The following SLCO6A1 variants were observed in gnomAD, a reference collection of about 807,000 sequenced individuals.
The protein encoded by SLCO6A1 is solute carrier organic anion transporter family member 6A1.
In SLCO6A1, 65 loss-of-function variants were observed where a neutral mutation model predicts 72.7. The observed-to-expected ratio is 0.89, with a 90% CI of 0.73 to 1.10. The LOEUF (loss-of-function observed/expected upper bound fraction) is 1.10. Ranked by LOEUF, SLCO6A1 falls within the 50% of genes least tolerant of loss-of-function variation. The probability of loss-of-function intolerance (pLI) is 0.00; values close to 1 mark genes in which losing one functional copy is unlikely to be tolerated. For missense variants in SLCO6A1, 874 were observed against 872.6 expected (o/e 1.00, Z -0.02); for synonymous variants, 314 against 298.2 (o/e 1.05, Z -0.55).
At chr5:102,459,860 T>G in intron 4 of SLCO6A1, 83 bp from the exon 5 acceptor site, 1 of 1,204,788 alleles carries the variant, frequency 8.3e-7, no homozygotes. Flanking sequence ...GTGGAGAAAG[T>G]GAGAGTGAGA....
chr5:102,430,566 T>C (rs558292624), intron 7 of SLCO6A1, among the ~76,000 whole-genome samples: 17 of 152,336 alleles, frequency 1.1e-4, no homozygotes, highest in African/African-American at 4.1e-4. Context: ...TCATGTGGTT[T>C]TCACTTTAGT....
chr5:102,420,116 T>C (rs965437043), intron 7 of SLCO6A1, 95 bp from the exon 8 acceptor site: 5 of 994,432 alleles, frequency 5.0e-6, no homozygotes, highest in South Asian at 2.0e-5. Flanking sequence ...TCTAAACATA[T>C]AGCAAACATG....
intron 4 of SLCO6A1, among the ~76,000 whole-genome samples, chr5:102,468,704 C>CT (rs545772621): frequency 1.4e-3 from 215 of 152,168 alleles, no homozygotes; most frequent in African/African-American, 4.7e-3. Flanking sequence ...TACCCTTTTA[C>CT]TTTAAGTTTG....
At chr5:102,395,366 G>A (rs1298059629) in intron 10 of SLCO6A1, among the ~76,000 whole-genome samples, 2 of 152,236 alleles carry the variant, frequency 1.3e-5, no homozygotes, top group Middle Eastern at 3.4e-3. Context: ...CAAAGGACAT[G>A]AACTCATCCT....
chr5:102,413,727 T>C (rs1378845381), intron 8 of SLCO6A1, among the ~76,000 whole-genome samples: 2 of 152,186 alleles, frequency 1.3e-5, no homozygotes, highest in East Asian at 1.9e-4. Context: ...TACATTTCCA[T>C]CAGCAGTGTA....
intron 4 of SLCO6A1, among the ~76,000 whole-genome samples, chr5:102,463,896 G>GAA (rs397697671): frequency 0.015 from 1,992 of 136,994 alleles, 40 homozygotes; most frequent in African/African-American, 0.042. Context: ...CAAAAAAGAA[G>GAA]AAAAAAAAAA....
intron 3 of SLCO6A1, 53 bp from the exon 4 acceptor site, chr5:102,475,846 GT>G: frequency 7.3e-7 from 1 of 1,375,788 alleles, no homozygotes. Context: ...AGCCAGCTTC[GT>G]TATGATAAAA....
rs140055153 is a variant in SLCO6A1, at chr5:102,427,477, T to G, written c.1277-7456A>C. On this transcript the variant is annotated intron_variant, in intron 7 of 13. Coordinates refer to ENST00000506729, the MANE Select transcript of SLCO6A1 (RefSeq NM_173488.5). The stretch of plus-strand genomic sequence containing the variant: ...TCCAAAAACTATAATCCCAGTCTAA[T>G]CATGATAAAAATATTAGGCAATTTT... Among the ~76,000 whole-genome samples, 20 of 152,170 alleles carry G rather than the reference T, an allele frequency of 1.3e-4. No individual in the cohort carries two copies. In the East Asian group the frequency reaches 2.9e-3, roughly 22 times the overall value.
At chr5:102,451,750 G>A (rs1357095476) in intron 6 of SLCO6A1, among the ~76,000 whole-genome samples, 2 of 152,192 alleles carry the variant, frequency 1.3e-5, no homozygotes, top group Non-Finnish European at 1.5e-5. Flanking sequence ...CATGGGTCAT[G>A]TTGCTTCCTT....
chr5:102,446,189 C>T (rs1048967454), intron 6 of SLCO6A1, among the ~76,000 whole-genome samples: 3 of 152,158 alleles, frequency 2.0e-5, no homozygotes, highest in Admixed American at 6.5e-5. Context: ...TATATTGATT[C>T]TTCCTATTCA....
chr5:102,470,745 C>A (rs747306816), intron 4 of SLCO6A1, among the ~76,000 whole-genome samples: 2 of 151,980 alleles, frequency 1.3e-5, no homozygotes, highest in Non-Finnish European at 2.9e-5. Context: ...CTGGGCCTAG[C>A]TACCCAGTGG....
chr5:102,493,404 A>C (rs1192366921), intron 1 of SLCO6A1, among the ~76,000 whole-genome samples: 1 of 152,196 alleles, frequency 6.6e-6, no homozygotes, highest in South Asian at 2.1e-4. Flanking sequence ...CCTTATGAAC[A>C]TCTCAATAGA....
intron 6 of SLCO6A1, among the ~76,000 whole-genome samples, chr5:102,442,899 T>C (rs988308736): frequency 6.6e-6 from 1 of 151,868 alleles, no homozygotes; most frequent in Admixed American, 6.6e-5. Context: ...CCGTCTCTAC[T>C]AAAAATACAA....
At chr5:102,448,083 T>C (rs996554582) in intron 6 of SLCO6A1, among the ~76,000 whole-genome samples, 4 of 152,232 alleles carry the variant, frequency 2.6e-5, no homozygotes, top group Non-Finnish European at 5.9e-5. Flanking sequence ...TTTGTTTTCA[T>C]TACTTTCAAA....
Position 102,458,261 on chromosome 5 carries a change from GA to G in SLCO6A1, c.1131+120del, listed in dbSNP as rs546611360. The stretch of plus-strand genomic sequence containing the variant: ...AAACTTAAAGTATAATAATAAAAAA[GA>G]AAAAAAAAGTCTCACCCAGATTTAG... On this transcript the variant is annotated intron_variant, in intron 6 of 13. Coordinates refer to ENST00000506729, the MANE Select transcript of SLCO6A1 (RefSeq NM_173488.5). 3.7e-4 allele frequency: 248 copies of G among 667,024 alleles called. 1 individual carries two copies. Among genetic ancestry groups the G allele is most frequent in the East Asian group, 3.7e-3 (139 of 37,456 alleles). 41.3% of individuals were successfully genotyped at this position (667,024 alleles called of 1,614,324 possible).
At chr5:102,448,944 G>T (rs1750263933) in intron 6 of SLCO6A1, among the ~76,000 whole-genome samples, 1 of 139,824 alleles carries the variant, frequency 7.2e-6, no homozygotes, top group Non-Finnish European at 1.5e-5. Context: ...AGACTTGATT[G>T]TGTATTTGCT....
At chr5:102,402,307 A>G (rs1747442576) in intron 9 of SLCO6A1, among the ~76,000 whole-genome samples, 2 of 152,146 alleles carry the variant, frequency 1.3e-5, no homozygotes, top group African/African-American at 4.8e-5. Context: ...ACTGTATTAG[A>G]AAGAATGCCA....
chr5:102,456,518 T>A (rs1329882671), intron 6 of SLCO6A1, among the ~76,000 whole-genome samples: 1 of 152,062 alleles, frequency 6.6e-6, no homozygotes, highest in Non-Finnish European at 1.5e-5. Context: ...TCAGAGAGAA[T>A]AAAATACCTA....
At position 102,403,703 on chromosome 5, in the gene SLCO6A1, A is replaced by G. The variant is rs1747520976; in HGVS notation, c.1627-3961T>C. 2.6e-5 allele frequency among the ~76,000 whole-genome samples: 4 copies of G among 152,300 alleles called. No individual in the cohort carries two copies. In the South Asian group the frequency reaches 8.3e-4, roughly 32 times the overall value. ...TAAACTATTTGAATTATTTACCATG[A>G]AAAACTACTACTTTATCCAAAAAAG... On this transcript the variant is annotated intron_variant, in intron 9 of 13. Coordinates refer to ENST00000506729, the MANE Select transcript of SLCO6A1 (RefSeq NM_173488.5).
Sources: allele counts gnomAD v4.1 joint callset (sites outside exome capture counted in the v4.1 genomes callset), GRCh38; gene constraint gnomAD v4.1.1; transcripts MANE v1.5; gene names NCBI Gene and HGNC (gene_info 2026-07-23, HGNC 2026-07-21).